ADK: variants seen among roughly 807,000 people sequenced by gnomAD.
ADK encodes the protein N6,N6-dimethyladenosine kinase.
A neutral mutation model predicts 44.7 loss-of-function variants in ADK; 24 were observed. The ratio of observed to expected loss-of-function variants is 0.54; its 90% CI spans 0.39 to 0.76. The LOEUF (loss-of-function observed/expected upper bound fraction) is 0.76. ADK is among the 30% of genes least tolerant of loss of function. The pLI, the probability that ADK is intolerant of heterozygous loss-of-function variation, is 0.00. For synonymous variants in ADK, 128 were observed against 142.6 expected, an observed-to-expected ratio of 0.90 and a Z score of 0.73; for missense variants, 321 against 425.1, an observed-to-expected ratio of 0.76 and a Z score of 2.15.
intron 6 of ADK, among the ~76,000 whole-genome samples, chr10:74,512,048 AT>A: frequency 6.6e-6 from 1 of 152,280 alleles, no homozygotes; most frequent in South Asian, 2.1e-4. Context: ...TCTGCTTTTC[AT>A]TGAGATGATC....
In ADK at chr10:74,394,319, T is replaced by A; in HGVS notation, c.446+6T>A. On this transcript the variant is annotated splice_donor_region_variant and intron_variant, in intron 5 of 10. Coordinates refer to ENST00000539909, the MANE Select transcript of ADK (RefSeq NM_006721.4). ...TGCATCACTGGTGACAACAGGTCAGTGTAATTCCAAGGGAACCACTATACT... is the reference window on the plus strand; with the variant it reads ...TGCATCACTGGTGACAACAGGTCAGAGTAATTCCAAGGGAACCACTATACT... 3 of 1,613,576 alleles carry A rather than the reference T, an allele frequency of 1.9e-6. No individual in the cohort carries two copies. Among genetic ancestry groups the A allele is most frequent in the Non-Finnish European group, 2.5e-6 (3 of 1,179,844 alleles).
At chr10:74,302,128 T>TTG (rs1840075441) in intron 3 of ADK, among the ~76,000 whole-genome samples, 3 of 89,380 alleles carry the variant, frequency 3.4e-5, no homozygotes, top group African/African-American at 8.5e-5. Context: ...TTTTTTTTTT[T>TTG]TTTTTTTTTT....
intron 6 of ADK, chr10:74,506,362 A>G: frequency 4.0e-6 from 1 of 250,966 alleles, no homozygotes; most frequent in South Asian, 4.4e-5. Context: ...TTTTTTTGTA[A>G]TGATTTTTCT....
At chr10:74,221,586 A>G (rs1250197766) in intron 2 of ADK, among the ~76,000 whole-genome samples, 2 of 149,000 alleles carry the variant, frequency 1.3e-5, no homozygotes, top group South Asian at 2.1e-4. Flanking sequence ...CAAAAGAACA[A>G]AGCTGGAGGC....
intron 7 of ADK, among the ~76,000 whole-genome samples, chr10:74,576,287 T>C (rs1851181538): frequency 6.6e-6 from 1 of 152,094 alleles, no homozygotes; most frequent in Admixed American, 6.6e-5. Flanking sequence ...TCATTTTTCA[T>C]GTATTAAATT....
chr10:74,371,580 C>T (rs975959284), intron 4 of ADK: 29 of 1,213,786 alleles, frequency 2.4e-5, no homozygotes, highest in Non-Finnish European at 3.2e-5. Flanking sequence ...GGAGGATGTC[C>T]TTAAGTTCCT....
chr10:74,573,289 G>C (rs937457207), intron 7 of ADK, among the ~76,000 whole-genome samples: 1 of 152,178 alleles, frequency 6.6e-6, no homozygotes, highest in Non-Finnish European at 1.5e-5. Flanking sequence ...GTTTGCCTGG[G>C]TATCAGCAGC....
At chr10:74,406,745 A>G (rs920659215) in intron 6 of ADK, among the ~76,000 whole-genome samples, 1 of 151,462 alleles carries the variant, frequency 6.6e-6, no homozygotes, top group Non-Finnish European at 1.5e-5. Context: ...CAGTGGTGCA[A>G]TCTTGGCTCA....
At chr10:74,394,099 A>C (rs1372300631) in intron 4 of ADK, 42 bp from the exon 5 acceptor site, 2 of 1,600,136 alleles carry the variant, frequency 1.2e-6, no homozygotes, top group African/African-American at 2.7e-5. Flanking sequence ...TATGTGTACC[A>C]TTTTTTTGCC....
At chr10:74,390,144 AAC>A (rs1444772634) in intron 4 of ADK, among the ~76,000 whole-genome samples, 3 of 152,126 alleles carry the variant, frequency 2.0e-5, no homozygotes, top group Admixed American at 6.5e-5. Flanking sequence ...GTTATAGAAT[AAC>A]ACAGAAATTT....
chr10:74,251,504 T>C (rs1046487594), intron 3 of ADK, among the ~76,000 whole-genome samples: 2 of 152,338 alleles, frequency 1.3e-5, no homozygotes, highest in Middle Eastern at 6.8e-3. Flanking sequence ...ATTGATTACT[T>C]CCTGTGAAGT....
At chr10:74,635,332 C>A (rs1322458165) in intron 9 of ADK, among the ~76,000 whole-genome samples, 1 of 152,156 alleles carries the variant, frequency 6.6e-6, no homozygotes, top group East Asian at 1.9e-4. Context: ...CTTTGAAGTG[C>A]TGAAACAAAA....
At chr10:74,329,672 T>C (rs1841150566) in intron 4 of ADK, among the ~76,000 whole-genome samples, 2 of 152,326 alleles carry the variant, frequency 1.3e-5, no homozygotes, top group South Asian at 4.1e-4. Flanking sequence ...GCAGGTGGCA[T>C]GTATTTTAAT....
intron 10 of ADK, 67 bp from the exon 11 acceptor site, chr10:74,708,254 T>C: frequency 6.5e-7 from 1 of 1,548,874 alleles, no homozygotes; most frequent in Non-Finnish European, 8.8e-7. Context: ...TATATTGGTC[T>C]GACCCAATAT....
At chr10:74,288,630 A>G (rs755054497) in intron 3 of ADK, among the ~76,000 whole-genome samples, 7 of 152,192 alleles carry the variant, frequency 4.6e-5, no homozygotes, top group East Asian at 1.9e-4. Flanking sequence ...AGCCTGGGTG[A>G]CAAGAGCGAG....
intron 7 of ADK, among the ~76,000 whole-genome samples, chr10:74,537,876 TTTTTCA>T (rs1415010677): frequency 6.6e-6 from 1 of 152,094 alleles, no homozygotes; most frequent in Non-Finnish European, 1.5e-5. Context: ...TCAGTTAAAT[TTTTTCA>T]TAGGGATAAG....
At chr10:74,562,984 G>C (rs1850515554) in intron 7 of ADK, among the ~76,000 whole-genome samples, 1 of 152,098 alleles carries the variant, frequency 6.6e-6, no homozygotes, top group African/African-American at 2.4e-5. Flanking sequence ...TTTTCACTTA[G>C]AACAAAATTC....
chr10:74,266,322 G>A (rs1365961423), intron 3 of ADK, among the ~76,000 whole-genome samples: 1 of 152,140 alleles, frequency 6.6e-6, no homozygotes, highest in East Asian at 1.9e-4. Flanking sequence ...ACCTTGGGAG[G>A]CCGAGGTGGG....
intron 10 of ADK, among the ~76,000 whole-genome samples, chr10:74,704,663 T>C (rs1000623326): frequency 6.6e-6 from 1 of 152,244 alleles, no homozygotes. Context: ...CATCATCTAG[T>C]TCTCTTAGAA....
Sources: gnomAD v4.1 joint callset for allele counts (sites outside exome capture counted in the v4.1 genomes callset) on GRCh38, gnomAD v4.1.1 for gene constraint, MANE v1.5 for transcripts, NCBI Gene and HGNC (gene_info 2026-07-23, HGNC 2026-07-21) for gene names.